The following UQCC1 variants were observed in gnomAD, a reference collection of about 807,000 sequenced individuals.
UQCC1 encodes the protein ubiquinol-cytochrome c reductase complex assembly factor 1, also known as bFGF-repressed Zic-binding protein.
Under a neutral mutation model 48.0 loss-of-function variants are expected in UQCC1, and 38 were observed. That is an observed-to-expected ratio of 0.79 (90% confidence interval 0.61 to 1.04). The LOEUF is 1.04. Among genes scored for constraint, UQCC1 ranks in the 50% least tolerant of loss-of-function variants. The pLI, the probability that UQCC1 is intolerant of heterozygous loss-of-function variation, is 0.00. For synonymous variants in UQCC1, 111 were observed against 129.2 expected, an observed-to-expected ratio of 0.86 and a Z score of 0.95; for missense variants, 368 against 381.8, an observed-to-expected ratio of 0.96 and a Z score of 0.30.
intron 6 of UQCC1, among the ~76,000 whole-genome samples, chr20:35,364,627 T>C (rs1035329155): frequency 2.6e-5 from 4 of 152,166 alleles, no homozygotes; most frequent in African/African-American, 9.7e-5. Flanking sequence ...GAATCAAGTA[T>C]AGATTTGAAG....
chr20:35,338,856 GAAAAA>G (rs1172467457), intron 7 of UQCC1, among the ~76,000 whole-genome samples: 4 of 26,832 alleles, frequency 1.5e-4, no homozygotes, highest in South Asian at 1.9e-3. Context: ...CGTCTCAAAA[GAAAAA>G]AAAAAAAAAA....
intron 9 of UQCC1, chr20:35,306,321 C>T (rs767878226): frequency 6.6e-5 from 17 of 258,322 alleles, no homozygotes; most frequent in Middle Eastern, 2.6e-3. Context: ...GCTGCTACTA[C>T]ACCACGTGCT....
At chr20:35,344,753 AAT>A (rs1234833601) in intron 7 of UQCC1, 1 of 152,318 alleles carries the variant, frequency 6.6e-6, no homozygotes, top group Non-Finnish European at 1.5e-5. Context: ...CAACTCCTAA[AAT>A]CTTTGGCCTT....
At chr20:35,397,692 A>AAT (rs1317445657) in intron 1 of UQCC1, among the ~76,000 whole-genome samples, 1 of 152,022 alleles carries the variant, frequency 6.6e-6, no homozygotes, top group Non-Finnish European at 1.5e-5. Context: ...TACATGGGGG[A>AAT]ATATATATAG....
chr20:35,370,517 G>A (rs2061718786), intron 5 of UQCC1, among the ~76,000 whole-genome samples: 1 of 152,078 alleles, frequency 6.6e-6, no homozygotes, highest in Admixed American at 6.5e-5. Flanking sequence ...GGTTTGATAT[G>A]AAAACTTAAT....
chr20:35,382,038 A>G lies in UQCC1; in HGVS notation c.226-13T>C. On this transcript the variant is annotated splice_polypyrimidine_tract_variant and intron_variant, in intron 3 of 9. Transcript: ENST00000374385. ...TGGTAGTAGAAAGCTGATTAACCAA[A>G]AAGAAAAAAACTAAAATTAGTTGCA... 12 of 1,562,210 alleles carry G rather than the reference A, an allele frequency of 7.7e-6. No individual in the cohort carries two copies. The highest frequency in any genetic ancestry group is 9.5e-6 in the Non-Finnish European group (11 of 1,151,862).
At chr20:35,401,931 G>C (rs572709105) in intron 1 of UQCC1, among the ~76,000 whole-genome samples, 1 of 151,988 alleles carries the variant, frequency 6.6e-6, no homozygotes, top group East Asian at 2.0e-4. Flanking sequence ...AAAGTGCTGG[G>C]ATTACAGGCA....
chr20:35,350,230 C>G (rs1254953481), intron 6 of UQCC1, among the ~76,000 whole-genome samples: 1 of 152,124 alleles, frequency 6.6e-6, no homozygotes, highest in African/African-American at 2.4e-5. Flanking sequence ...TGGACTCAAG[C>G]CATCCTTCCA....
intron 1 of UQCC1, among the ~76,000 whole-genome samples, chr20:35,403,975 T>C (rs949714829): frequency 2.6e-5 from 4 of 151,784 alleles, no homozygotes; most frequent in Non-Finnish European, 5.9e-5. Context: ...TGGTGGCTCA[T>C]GCCTGTAATC....
intron 2 of UQCC1, among the ~76,000 whole-genome samples, chr20:35,391,119 A>G (rs2062009332): frequency 6.6e-6 from 1 of 151,974 alleles, no homozygotes; most frequent in South Asian, 2.1e-4. Flanking sequence ...TCACTTGAAC[A>G]GGAGGCAGAG....
intron 5 of UQCC1, among the ~76,000 whole-genome samples, chr20:35,373,388 T>C (rs2061756449): frequency 6.6e-6 from 1 of 152,010 alleles, no homozygotes; most frequent in Non-Finnish European, 1.5e-5. Flanking sequence ...AAGTAAAACA[T>C]CCAGAATGGG....
intron 5 of UQCC1, among the ~76,000 whole-genome samples, chr20:35,366,953 G>T (rs2061674380): frequency 6.6e-6 from 1 of 151,876 alleles, no homozygotes; most frequent in African/African-American, 2.4e-5. Context: ...AATTAACCAG[G>T]CGTGGTGGTG....
intron 7 of UQCC1, among the ~76,000 whole-genome samples, chr20:35,341,958 G>C (rs951395240): frequency 5.9e-5 from 9 of 152,144 alleles, no homozygotes; most frequent in African/African-American, 2.2e-4. Context: ...AGTTTGGAGA[G>C]GTGGTCTGGA....
intron 7 of UQCC1, among the ~76,000 whole-genome samples, chr20:35,327,064 A>C (rs762633765): frequency 6.6e-6 from 1 of 152,190 alleles, no homozygotes; most frequent in Non-Finnish European, 1.5e-5. Context: ...CCCAGATGGC[A>C]ACATTTTCTC....
intron 8 of UQCC1, among the ~76,000 whole-genome samples, chr20:35,313,657 A>C (rs1335032893): frequency 6.6e-6 from 1 of 152,170 alleles, no homozygotes; most frequent in Non-Finnish European, 1.5e-5. Flanking sequence ...TCTGTTGCCC[A>C]GGCTGGAGTG....
intron 5 of UQCC1, among the ~76,000 whole-genome samples, chr20:35,369,727 GGTTA>G (rs2061708729): frequency 6.6e-6 from 1 of 152,130 alleles, no homozygotes; most frequent in South Asian, 2.1e-4. Flanking sequence ...TTAGCAAAAT[GGTTA>G]GTATTAAGTT....
chr20:35,372,796 G>A (rs2061750046), intron 5 of UQCC1, among the ~76,000 whole-genome samples: 1 of 152,202 alleles, frequency 6.6e-6, no homozygotes, highest in Non-Finnish European at 1.5e-5. Context: ...TTGAAACTGG[G>A]AGGTGGAGGT....
intron 7 of UQCC1, among the ~76,000 whole-genome samples, chr20:35,330,389 T>G (rs2061243230): frequency 6.6e-6 from 1 of 152,208 alleles, no homozygotes; most frequent in African/African-American, 2.4e-5. Context: ...GTCAAGCTTC[T>G]AGGAGCTTGG....
At chr20:35,351,293 C>T (rs539288523) in intron 6 of UQCC1, among the ~76,000 whole-genome samples, 3 of 149,874 alleles carry the variant, frequency 2.0e-5, no homozygotes, top group African/African-American at 7.4e-5. Context: ...CGAGACACTG[C>T]GGCAGGAGAA....
Sources: gnomAD v4.1 joint callset for allele counts (sites outside exome capture counted in the v4.1 genomes callset) on GRCh38, gnomAD v4.1.1 for gene constraint, MANE v1.5 for transcripts, NCBI Gene and HGNC (gene_info 2026-07-23, HGNC 2026-07-21) for gene names.